PTPRK: variants seen among roughly 807,000 people sequenced by gnomAD.
The protein encoded by PTPRK is protein tyrosine phosphatase receptor type K.
In PTPRK, 75 loss-of-function variants were observed where a neutral mutation model predicts 178.0. That is an observed-to-expected ratio of 0.42 (90% CI 0.35 to 0.51). The LOEUF is 0.51. Ranked by LOEUF, PTPRK falls within the 20% of genes least tolerant of loss-of-function variation. The probability of loss-of-function intolerance (pLI) is 0.02; values close to 1 mark genes in which losing one functional copy is unlikely to be tolerated. For missense variants in PTPRK, 1,441 were observed against 1,797.8 expected (o/e 0.80, Z 3.59); for synonymous variants, 637 against 620.6 (o/e 1.03, Z -0.39).
chr6:128,166,299 T>C (rs933509781), intron 7 of PTPRK, among the ~76,000 whole-genome samples: 3 of 151,696 alleles, frequency 2.0e-5, no homozygotes, highest in African/African-American at 7.2e-5. Context: ...TTCTGATTTA[T>C]TAATATTTTA....
intron 1 of PTPRK, among the ~76,000 whole-genome samples, chr6:128,439,716 G>GA (rs1846049735): frequency 6.6e-6 from 1 of 152,168 alleles, no homozygotes; most frequent in South Asian, 2.1e-4. Context: ...TGCTGAAAGT[G>GA]AAAATGCAGT....
chr6:128,276,311 G>A (rs764984579), intron 3 of PTPRK, among the ~76,000 whole-genome samples: 22 of 151,984 alleles, frequency 1.4e-4, no homozygotes, highest in Non-Finnish European at 2.5e-4. Flanking sequence ...CAGAACAGAA[G>A]TTCAAAGAAA....
chr6:128,361,382 T>C (rs1834716725), intron 2 of PTPRK, among the ~76,000 whole-genome samples: 1 of 152,206 alleles, frequency 6.6e-6, no homozygotes, highest in African/African-American at 2.4e-5. Context: ...TAATTTTTCA[T>C]AGCACAGGTG....
rs1398859729 is a variant in PTPRK, at chr6:127,981,195, A to G, written c.3632T>C (p.Leu1211Pro). ...NHDKNRFMDM[L>P]PPDRCLPFLI... ...AAAAGGCAGACATCTGTCAGGTGGC[A>G]GCATGTCCATGAAACGGTTCTTGTC... The change falls in exon 25 of 30, where the codon CTG (leucine) becomes CCG (proline). Residue 1211 changes from leucine to proline, a missense_variant. Physicochemically the swap from Leu to Pro is moderately conservative, Grantham distance 98. Coordinates refer to ENST00000368226, the MANE Select transcript of PTPRK (RefSeq NM_002844.4). 1 of 1,614,046 alleles carries G rather than the reference A, an allele frequency of 6.2e-7. No individual in the cohort carries two copies. Among genetic ancestry groups the G allele is most frequent in the Admixed American group, 1.7e-5 (1 of 60,034 alleles).
intron 7 of PTPRK, among the ~76,000 whole-genome samples, chr6:128,106,513 A>C (rs981897189): frequency 1.3e-5 from 2 of 152,100 alleles, no homozygotes; most frequent in African/African-American, 4.8e-5. Context: ...GCTAGGAAAA[A>C]CAACTAACTT....
At chr6:128,306,902 G>C (rs1388123002) in intron 3 of PTPRK, among the ~76,000 whole-genome samples, 1 of 152,024 alleles carries the variant, frequency 6.6e-6, no homozygotes, top group Non-Finnish European at 1.5e-5. Context: ...AAATTCAAGA[G>C]GTATACTTGA....
chr6:127,992,150 A>G (rs1776681747), intron 19 of PTPRK, among the ~76,000 whole-genome samples: 2 of 151,874 alleles, frequency 1.3e-5, no homozygotes, highest in Middle Eastern at 3.4e-3. Flanking sequence ...TTTACTCCCC[A>G]GTGTACCACT....
At chr6:128,116,103 C>A (rs993324550) in intron 7 of PTPRK, among the ~76,000 whole-genome samples, 4 of 152,186 alleles carry the variant, frequency 2.6e-5, no homozygotes, top group African/African-American at 7.2e-5. Context: ...ACTTCTGTTA[C>A]ACTTGATACT....
At chr6:128,053,429 C>T (rs1779384361) in intron 13 of PTPRK, among the ~76,000 whole-genome samples, 1 of 152,084 alleles carries the variant, frequency 6.6e-6, no homozygotes, top group African/African-American at 2.4e-5. Flanking sequence ...CTTAACCTCC[C>T]TCAGAGTCTG....
chr6:128,491,882 C>A, intron 1 of PTPRK: 1 of 485,010 alleles, frequency 2.1e-6, no homozygotes, highest in Admixed American at 2.2e-5. Context: ...AACTAACAGG[C>A]TAATCTTCAC....
intron 1 of PTPRK, among the ~76,000 whole-genome samples, chr6:128,462,307 C>T (rs1404644866): frequency 1.3e-5 from 2 of 152,198 alleles, no homozygotes; most frequent in East Asian, 3.9e-4. Context: ...TGCTAGTAAA[C>T]TGTATTTTAG....
intron 3 of PTPRK, chr6:128,321,774 A>G (rs1469019937): frequency 5.7e-6 from 4 of 700,656 alleles, no homozygotes; most frequent in Non-Finnish European, 1.0e-5. Context: ...TTTAACACAT[A>G]GAAATACTTT....
intron 1 of PTPRK, among the ~76,000 whole-genome samples, chr6:128,453,626 C>A (rs1410875966): frequency 6.6e-6 from 1 of 152,034 alleles, no homozygotes; most frequent in Non-Finnish European, 1.5e-5. Context: ...AGAAATGCTT[C>A]GAAAGAAATC....
intron 1 of PTPRK, among the ~76,000 whole-genome samples, chr6:128,468,329 A>G (rs1584862143): frequency 6.6e-6 from 1 of 152,256 alleles, no homozygotes; most frequent in Non-Finnish European, 1.5e-5. Flanking sequence ...ACAATCTTAG[A>G]CCAAATTTCA....
At chr6:128,133,699 A>G (rs1046328167) in intron 7 of PTPRK, among the ~76,000 whole-genome samples, 1 of 152,086 alleles carries the variant, frequency 6.6e-6, no homozygotes, top group Non-Finnish European at 1.5e-5. Context: ...TCTGAATGAA[A>G]TAATAACTAA....
At position 128,433,747 on chromosome 6, in the gene PTPRK, G is replaced by A. The variant is rs1845144998; in HGVS notation, c.101-36059C>T. 1.3e-5 allele frequency among the ~76,000 whole-genome samples: 2 copies of A among 151,126 alleles called. 1 individual carries two copies. Among genetic ancestry groups the A allele is most frequent in the South Asian group, 4.2e-4 (2 of 4,796 alleles). ...GCCCAGGCTGGTCTTGAATCCCTGA[G>A]CTCAAACAATCCTCCTGCCTCGGCC... On this transcript the variant is annotated intron_variant, in intron 1 of 29. Transcript: ENST00000368226.
intron 13 of PTPRK, among the ~76,000 whole-genome samples, chr6:128,015,346 T>C (rs1207848083): frequency 6.6e-6 from 1 of 151,770 alleles, no homozygotes; most frequent in Non-Finnish European, 1.5e-5. Flanking sequence ...TCCCACTAAA[T>C]TCATTCAATT....
chr6:128,382,596 G>A (rs1223218517), intron 2 of PTPRK, among the ~76,000 whole-genome samples: 1 of 151,138 alleles, frequency 6.6e-6, no homozygotes, highest in East Asian at 1.9e-4. Context: ...TTTGTTTGTT[G>A]TTTTTGGTTT....
intron 2 of PTPRK, among the ~76,000 whole-genome samples, chr6:128,327,387 G>T (rs531494588): frequency 6.6e-6 from 1 of 152,052 alleles, no homozygotes; most frequent in African/African-American, 2.4e-5. Flanking sequence ...TAAACTAAAA[G>T]CAAAATTTCA....
Sources: gnomAD v4.1 joint callset for allele counts (sites outside exome capture counted in the v4.1 genomes callset) on GRCh38, gnomAD v4.1.1 for gene constraint, MANE v1.5 for transcripts, NCBI Gene and HGNC (gene_info 2026-07-23, HGNC 2026-07-21) for gene names.